The following ASTN2 variants were observed in gnomAD, a reference collection of about 807,000 sequenced individuals.
ASTN2 encodes the protein astrotactin 2.
Under a neutral mutation model 139.8 loss-of-function variants are expected in ASTN2, and 54 were observed. The ratio of observed to expected loss-of-function variants is 0.39; its 90% CI spans 0.31 to 0.48. ASTN2 has a LOEUF of 0.48. Ranked by LOEUF, ASTN2 falls within the 20% of genes least tolerant of loss-of-function variation. ASTN2 has a pLI of 0.95. For synonymous variants in ASTN2, 756 were observed against 719.5 expected, an observed-to-expected ratio of 1.05 and a Z score of -0.81; for missense variants, 1,565 against 1,725.1, an observed-to-expected ratio of 0.91 and a Z score of 1.64.
At chr9:117,166,762 C>A (rs1319929871) in intron 3 of ASTN2, among the ~76,000 whole-genome samples, 1 of 152,178 alleles carries the variant, frequency 6.6e-6, no homozygotes, top group South Asian at 2.1e-4. Flanking sequence ...TCATAACATA[C>A]TCTTATTATT....
At chr9:116,801,585 CAAAAAAAAAAA>C (rs397893932) in intron 13 of ASTN2, among the ~76,000 whole-genome samples, 16 of 60,364 alleles carry the variant, frequency 2.7e-4, no homozygotes, top group South Asian at 1.0e-3. Context: ...GGCTCTGTCT[CAAAAAAAAAAA>C]AAAAAAAAAA....
intron 11 of ASTN2, among the ~76,000 whole-genome samples, chr9:116,829,216 A>T (rs1207523063): frequency 5.3e-5 from 8 of 151,830 alleles, no homozygotes; most frequent in Non-Finnish European, 1.0e-4. Context: ...TCTCAAGCAA[A>T]ATGAACGAAG....
intron 13 of ASTN2, among the ~76,000 whole-genome samples, chr9:116,754,303 T>G (rs1829481047): frequency 1.3e-5 from 2 of 152,226 alleles, no homozygotes; most frequent in African/African-American, 4.8e-5. Context: ...TAGAATGATT[T>G]ATAATCCTTT....
intron 10 of ASTN2, among the ~76,000 whole-genome samples, chr9:116,930,583 A>G (rs908883458): frequency 2.0e-5 from 3 of 151,824 alleles, no homozygotes; most frequent in African/African-American, 7.3e-5. Context: ...GTCCGATTTC[A>G]TTCAGCAAGA....
chr9:116,997,920 T>C (rs780101330), intron 7 of ASTN2, among the ~76,000 whole-genome samples: 24 of 152,200 alleles, frequency 1.6e-4, no homozygotes, highest in Non-Finnish European at 3.1e-4. Context: ...TATTTGGCTG[T>C]TGTCTAACAC....
At chr9:116,912,938 G>A (rs1324869321) in intron 10 of ASTN2, among the ~76,000 whole-genome samples, 2 of 151,988 alleles carry the variant, frequency 1.3e-5, no homozygotes, top group Non-Finnish European at 2.9e-5. Context: ...TCACTCTGTC[G>A]CCCAGGCTGG....
At chr9:116,646,570 G>T (rs1397512084) in intron 17 of ASTN2, among the ~76,000 whole-genome samples, 4 of 152,090 alleles carry the variant, frequency 2.6e-5, no homozygotes, top group Non-Finnish European at 5.9e-5. Flanking sequence ...TTCCAGACCT[G>T]CAGTGGGTCT....
Position 117,189,880 on chromosome 9 carries a change from C to T in ASTN2, c.1015+24478G>A, listed in dbSNP as rs149361936. ...TAATCTGTGCATCCCTACCCTTATA[C>T]TAATGGAGAGTGAAGATACATACCT... is the stretch of plus-strand genomic sequence containing the variant. On this transcript the variant is annotated intron_variant, in intron 3 of 22. Transcript: ENST00000313400. 2.4e-4 allele frequency among the ~76,000 whole-genome samples: 36 copies of T among 152,286 alleles called. No homozygotes were observed. The East Asian group carries it at 6.8e-3, about 29-fold the overall frequency.
At chr9:117,154,262 G>T (rs1466022476) in intron 3 of ASTN2, among the ~76,000 whole-genome samples, 1 of 152,040 alleles carries the variant, frequency 6.6e-6, no homozygotes, top group Non-Finnish European at 1.5e-5. Flanking sequence ...TGAGGCTTGG[G>T]ATTTTCCATT....
At chr9:117,088,412 A>G (rs1828622365) in intron 5 of ASTN2, among the ~76,000 whole-genome samples, 1 of 152,138 alleles carries the variant, frequency 6.6e-6, no homozygotes, top group Non-Finnish European at 1.5e-5. Context: ...CTCATGGCTT[A>G]TATTTCATAA....
chr9:116,907,190 T>C (rs910156586), intron 10 of ASTN2, among the ~76,000 whole-genome samples: 5 of 152,158 alleles, frequency 3.3e-5, no homozygotes, highest in Admixed American at 2.6e-4. Context: ...ACAGTGTGTG[T>C]TTACTGATTG....
At chr9:116,682,682 AATACT>A (rs1859959776) in intron 16 of ASTN2, among the ~76,000 whole-genome samples, 1 of 152,256 alleles carries the variant, frequency 6.6e-6, no homozygotes, top group South Asian at 2.1e-4. Flanking sequence ...TACACCATGG[AATACT>A]ATGCAGCCAT....
intron 6 of ASTN2, among the ~76,000 whole-genome samples, chr9:117,010,304 G>T (rs189013416): frequency 6.6e-6 from 1 of 152,226 alleles, no homozygotes; most frequent in African/African-American, 2.4e-5. Context: ...GGTCCTTGAG[G>T]AAGGCACAGA....
chr9:117,330,396 C>T (rs529221251), intron 1 of ASTN2, among the ~76,000 whole-genome samples: 1 of 152,284 alleles, frequency 6.6e-6, no homozygotes, highest in African/African-American at 2.4e-5. Context: ...CTCCGAAGCC[C>T]CTCTCTGGAT....
At chr9:116,512,188 T>C (rs1438565475) in intron 19 of ASTN2, among the ~76,000 whole-genome samples, 1 of 152,260 alleles carries the variant, frequency 6.6e-6, no homozygotes, top group Admixed American at 6.5e-5. Flanking sequence ...TCCCAGAGAT[T>C]CTGGTATGTT....
intron 3 of ASTN2, among the ~76,000 whole-genome samples, chr9:117,163,951 T>C (rs956467495): frequency 2.0e-5 from 3 of 152,104 alleles, no homozygotes; most frequent in Non-Finnish European, 4.4e-5. Flanking sequence ...GCATAGTGCC[T>C]GGCATATAGC....
At chr9:117,373,943 G>C (rs1830054632) in intron 1 of ASTN2, among the ~76,000 whole-genome samples, 1 of 152,150 alleles carries the variant, frequency 6.6e-6, no homozygotes, top group Non-Finnish European at 1.5e-5. Flanking sequence ...TTTCTGAGAA[G>C]TCACTGAAGA....
intron 19 of ASTN2, among the ~76,000 whole-genome samples, chr9:116,490,004 T>G (rs988589579): frequency 6.6e-5 from 10 of 152,108 alleles, no homozygotes; most frequent in African/African-American, 1.7e-4. Context: ...CCATTTTTCT[T>G]TTTGTTACAA....
intron 1 of ASTN2, among the ~76,000 whole-genome samples, chr9:117,367,356 T>C (rs367575972): frequency 6.6e-6 from 1 of 152,192 alleles, no homozygotes; most frequent in Middle Eastern, 3.2e-3. Context: ...GCATGAGCTA[T>C]GGAGCAACAG....
Sources: gnomAD v4.1 joint callset for allele counts (sites outside exome capture counted in the v4.1 genomes callset) on GRCh38, gnomAD v4.1.1 for gene constraint, MANE v1.5 for transcripts, NCBI Gene and HGNC (gene_info 2026-07-23, HGNC 2026-07-21) for gene names.